CAST: variants seen among roughly 807,000 people sequenced by gnomAD.
CAST encodes calpastatin.
Under a neutral mutation model 119.6 loss-of-function variants are expected in CAST, and 76 were observed. The observed-to-expected ratio is 0.64, with a 90% CI of 0.53 to 0.77. The LOEUF is 0.77. CAST is among the 30% of genes least tolerant of loss of function. CAST has a pLI of 0.00. For missense variants in CAST, 953 were observed against 946.5 expected (o/e 1.01, Z -0.09); for synonymous variants, 319 against 331.6 (o/e 0.96, Z 0.41).
the CAST span, among the ~76,000 whole-genome samples, chr5:96,206,069 G>C: frequency 6.6e-6 from 1 of 151,780 alleles, no homozygotes; most frequent in African/African-American, 2.4e-5. Context: ...TAATGATTAG[G>C]GATGTTGAGA....
the CAST span, among the ~76,000 whole-genome samples, chr5:96,200,525 C>T: frequency 6.6e-6 from 1 of 152,114 alleles, no homozygotes; most frequent in Non-Finnish European, 1.5e-5. Flanking sequence ...GTACCTGGAA[C>T]ATCATATGTG....
intron 3 of CAST, among the ~76,000 whole-genome samples, chr5:96,712,162 G>A (rs1581078090): frequency 6.6e-6 from 1 of 152,254 alleles, no homozygotes; most frequent in South Asian, 2.1e-4. Flanking sequence ...ATTGTTATCT[G>A]ATGGGAAGGT....
At chr5:96,129,094 C>T in the CAST span, among the ~76,000 whole-genome samples, 3 of 152,006 alleles carry the variant, frequency 2.0e-5, no homozygotes, top group Admixed American at 6.6e-5. Context: ...AGACCATGTC[C>T]ATTTTGCACT....
the CAST span, among the ~76,000 whole-genome samples, chr5:96,446,345 C>A: frequency 6.6e-6 from 1 of 152,196 alleles, no homozygotes; most frequent in Non-Finnish European, 1.5e-5. Context: ...ACCGCTCTAC[C>A]ATTAACATGG....
At chr5:96,189,366 A>C in the CAST span, among the ~76,000 whole-genome samples, 1 of 152,304 alleles carries the variant, frequency 6.6e-6, no homozygotes, top group Non-Finnish European at 1.5e-5. Flanking sequence ...GGCTGGGGAT[A>C]TACTTCCTGG....
At chr5:96,193,774 G>A in the CAST span, among the ~76,000 whole-genome samples, 1 of 152,152 alleles carries the variant, frequency 6.6e-6, no homozygotes, top group Non-Finnish European at 1.5e-5. Flanking sequence ...AACATCAGCA[G>A]GATGTTGCTT....
intron 10 of CAST, 98 bp downstream of exon 10, chr5:96,736,338 T>G (rs1348600789): frequency 3.0e-6 from 2 of 673,836 alleles, no homozygotes; most frequent in Non-Finnish European, 2.5e-6. Flanking sequence ...ATGAGGGGGG[T>G]AATTTAAAGG....
At chr5:96,756,395 C>T (rs1335447286) in intron 22 of CAST, among the ~76,000 whole-genome samples, 1 of 152,220 alleles carries the variant, frequency 6.6e-6, no homozygotes, top group Non-Finnish European at 1.5e-5. Context: ...AGGCAAAAGT[C>T]AGTCATGAGG....
the CAST span, among the ~76,000 whole-genome samples, chr5:96,171,239 C>T: frequency 1.3e-5 from 2 of 152,066 alleles, no homozygotes; most frequent in Non-Finnish European, 2.9e-5. Context: ...CATTTAGGGC[C>T]ATTGTCAAGT....
At chr5:95,980,052 A>T in the CAST span, among the ~76,000 whole-genome samples, 1 of 152,126 alleles carries the variant, frequency 6.6e-6, no homozygotes. Flanking sequence ...TGGGAGGCGG[A>T]GGTTGCCGTG....
the CAST span, among the ~76,000 whole-genome samples, chr5:96,295,162 T>G: frequency 2.0e-5 from 3 of 152,184 alleles, no homozygotes; most frequent in Non-Finnish European, 2.9e-5. Context: ...GTTTTTTTCA[T>G]GAAGAAAAAT....
chr5:96,534,046 A>G (rs13175874), intron 1 of CAST, among the ~76,000 whole-genome samples: 67,400 of 152,026 alleles, frequency 0.44, 15,757 homozygotes, highest in East Asian at 0.86. Flanking sequence ...TTTCAAGCAG[A>G]AATTAGAATT....
chr5:96,088,255 A>C, the CAST span, among the ~76,000 whole-genome samples: 1 of 152,192 alleles, frequency 6.6e-6, no homozygotes, highest in Non-Finnish European at 1.5e-5. Flanking sequence ...TGCAACTGGG[A>C]CCTCATCACT....
At chr5:96,423,488 T>TA in the CAST span, 2 of 1,611,256 alleles carry the variant, frequency 1.2e-6, no homozygotes, top group South Asian at 1.1e-5. Flanking sequence ...GAAGCATTGA[T>TA]AAAATTATCA....
chr5:96,247,344 T>C, the CAST span, among the ~76,000 whole-genome samples: 1 of 152,246 alleles, frequency 6.6e-6, no homozygotes, highest in Admixed American at 6.5e-5. Context: ...TCATGATGTG[T>C]ATTCTGGCTG....
chr5:96,111,323 C>T, the CAST span, among the ~76,000 whole-genome samples: 1 of 152,176 alleles, frequency 6.6e-6, no homozygotes, highest in African/African-American at 2.4e-5. Context: ...GGATGCATCA[C>T]CTTCCTGGCA....
chr5:96,403,974 GAATT>G, the CAST span, among the ~76,000 whole-genome samples: 3 of 152,112 alleles, frequency 2.0e-5, no homozygotes, highest in African/African-American at 7.2e-5. Context: ...GTTCACTTCA[GAATT>G]TTCCTCACCT....
the CAST span, among the ~76,000 whole-genome samples, chr5:96,087,371 TCA>T: frequency 6.6e-6 from 1 of 152,184 alleles, no homozygotes; most frequent in African/African-American, 2.4e-5. Flanking sequence ...AATTCAAACT[TCA>T]GTTTAATTTT....
At chr5:96,663,252 G>C in intron 1 of CAST, 1 of 701,906 alleles carries the variant, frequency 1.4e-6, no homozygotes, top group South Asian at 1.5e-5. Context: ...CTGGGCGTGC[G>C]GATGAAGCGT....
Sources: allele counts gnomAD v4.1 joint callset (sites outside exome capture counted in the v4.1 genomes callset), GRCh38; gene constraint gnomAD v4.1.1; transcripts MANE v1.5; gene names NCBI Gene and HGNC (gene_info 2026-07-23, HGNC 2026-07-21).